Variants in GALNT1 observed in about 807,000 individuals in gnomAD.
GALNT1 encodes polypeptide N-acetylgalactosaminyltransferase 1.
Under a neutral mutation model 65.7 loss-of-function variants are expected in GALNT1, and 17 were observed. The ratio of observed to expected loss-of-function variants is 0.26; its 90% CI spans 0.18 to 0.39. GALNT1 has a LOEUF of 0.39. Among genes scored for constraint, GALNT1 ranks in the 10% least tolerant of loss-of-function variants. The pLI, the probability that GALNT1 is intolerant of heterozygous loss-of-function variation, is 1.00. For missense variants in GALNT1, 460 were observed against 672.8 expected (o/e 0.68, Z 3.50); for synonymous variants, 210 against 219.7 (o/e 0.96, Z 0.39).
At chr18:35,703,487 G>A (rs1418929587) in intron 10 of GALNT1, 22 bp from the exon 11 acceptor site, 2 of 1,607,494 alleles carry the variant, frequency 1.2e-6, no homozygotes, top group South Asian at 1.1e-5. Flanking sequence ...TTCTGTTTAT[G>A]TGTGTGCATT....
intron 1 of GALNT1, among the ~76,000 whole-genome samples, chr18:35,615,533 G>A (rs1256984763): frequency 6.6e-6 from 1 of 152,142 alleles, no homozygotes; most frequent in African/African-American, 2.4e-5. Context: ...CACAATTGTT[G>A]AAGGAAAAGG....
intron 1 of GALNT1, among the ~76,000 whole-genome samples, chr18:35,587,817 T>G (rs2046395720): frequency 6.6e-6 from 1 of 152,232 alleles, no homozygotes; most frequent in Admixed American, 6.5e-5. Flanking sequence ...CAGCACTGTT[T>G]TCTCTGTGTT....
chr18:35,623,610 C>G (rs1280706481), intron 1 of GALNT1, among the ~76,000 whole-genome samples: 1 of 151,970 alleles, frequency 6.6e-6, no homozygotes, highest in Non-Finnish European at 1.5e-5. Context: ...AAAGATTTTT[C>G]TTTCCTTTTC....
At chr18:35,616,956 A>G (rs2046790957) in intron 1 of GALNT1, among the ~76,000 whole-genome samples, 2 of 152,110 alleles carry the variant, frequency 1.3e-5, no homozygotes, top group Non-Finnish European at 2.9e-5. Flanking sequence ...CCACTGAGGA[A>G]CCCTGTAACC....
intron 1 of GALNT1, among the ~76,000 whole-genome samples, chr18:35,640,917 A>G (rs943898856): frequency 6.6e-6 from 1 of 152,334 alleles, no homozygotes; most frequent in African/African-American, 2.4e-5. Flanking sequence ...ACATTTTTAG[A>G]TATTAAAACA....
At chr18:35,680,193 A>T (rs980978003) in intron 4 of GALNT1, among the ~76,000 whole-genome samples, 1 of 152,106 alleles carries the variant, frequency 6.6e-6, no homozygotes, top group Admixed American at 6.6e-5. Flanking sequence ...CTTCAATTGT[A>T]CTGATTTTGT....
intron 9 of GALNT1, among the ~76,000 whole-genome samples, chr18:35,701,025 T>C (rs1442164254): frequency 1.3e-5 from 2 of 152,196 alleles, no homozygotes; most frequent in Non-Finnish European, 2.9e-5. Context: ...AATAATTATT[T>C]TTTGTGAATA....
At chr18:35,613,499 G>A (rs943250595) in intron 1 of GALNT1, among the ~76,000 whole-genome samples, 3 of 152,156 alleles carry the variant, frequency 2.0e-5, no homozygotes, top group African/African-American at 7.2e-5. Context: ...AATCCAGGGA[G>A]GTAAGTTAGT....
Position 35,645,216 on chromosome 18 carries a change from ATGT to A in GALNT1, c.-103-9342_-103-9340del, listed in dbSNP as rs1487347446. On this transcript the variant is annotated intron_variant, in intron 1 of 11. Transcript: ENST00000269195. ...TGTTGGGTTTTCATAGCTATTTTGA[ATGT>A]TTTTTTTTTTTTTTTTTTTTTTTTT... is the stretch of plus-strand genomic sequence containing the variant. Among the ~76,000 whole-genome samples the A allele has an allele frequency of 2.5e-3, 302 of 121,100 alleles. 4 individuals are homozygous for A. The highest frequency in any genetic ancestry group is 9.2e-3 in the African/African-American group (292 of 31,840). The allele number at this position is 121,100 out of a possible 152,430, so 79.4% of individuals were successfully genotyped here.
intron 1 of GALNT1, among the ~76,000 whole-genome samples, chr18:35,622,455 T>C (rs542225380): frequency 6.6e-6 from 1 of 152,180 alleles, no homozygotes; most frequent in East Asian, 1.9e-4. Flanking sequence ...TCTCCCTATG[T>C]TGCTCAGGCT....
chr18:35,680,551 G>A (rs914312224), intron 4 of GALNT1, among the ~76,000 whole-genome samples: 1 of 152,310 alleles, frequency 6.6e-6, no homozygotes, highest in East Asian at 1.9e-4. Flanking sequence ...AAAGAATAAT[G>A]TACACTGGTA....
chr18:35,605,821 A>G (rs2046640202), intron 1 of GALNT1, among the ~76,000 whole-genome samples: 1 of 152,162 alleles, frequency 6.6e-6, no homozygotes, highest in Admixed American at 6.5e-5. Context: ...GCTGAACTCT[A>G]GACCTAAGCT....
intron 1 of GALNT1, among the ~76,000 whole-genome samples, chr18:35,630,158 A>G (rs1162846848): frequency 6.6e-6 from 1 of 152,202 alleles, no homozygotes; most frequent in African/African-American, 2.4e-5. Context: ...ACAGAAAGTT[A>G]ACAAGGATAT....
chr18:35,606,467 G>A (rs1247191383), intron 1 of GALNT1, among the ~76,000 whole-genome samples: 1 of 152,166 alleles, frequency 6.6e-6, no homozygotes, highest in Non-Finnish European at 1.5e-5. Context: ...GTAGGTAATA[G>A]TATTAAAGTT....
chr18:35,692,354 T>G lies in GALNT1; in HGVS notation c.1299+34T>G, dbSNP rs1298665174. ...TATATATATATATATTCTATGTGGT[T>G]ATTATGTTCTTACTTTTTTATTAAA... On this transcript the variant is annotated intron_variant, in intron 9 of 11. Coordinates refer to ENST00000269195, the MANE Select transcript of GALNT1 (RefSeq NM_020474.4). 6.1e-6 allele frequency: 8 copies of G among 1,304,480 alleles called. No individual in the cohort carries two copies. The African/African-American group carries it at 1.2e-4, about 20-fold the overall frequency. The allele number at this position is 1,304,480 out of a possible 1,614,324, so 80.8% of individuals were successfully genotyped here.
At chr18:35,581,583 G>GCGGCGGCA (rs1568009675), upstream of GALNT1, among the ~76,000 whole-genome samples, 4 of 82 alleles carry the variant, frequency 0.049, no homozygotes, top group African/African-American at 0.12. Flanking sequence ...TGAGCGGGCA[G>GCGGCGGCA]GCGGCGCGCA....
intron 9 of GALNT1, among the ~76,000 whole-genome samples, chr18:35,693,430 CT>C (rs2048001296): frequency 6.6e-6 from 1 of 152,174 alleles, no homozygotes; most frequent in African/African-American, 2.4e-5. Context: ...ATAGTGAGAA[CT>C]TTGCATTTTG....
chr18:35,640,727 G>A (rs1222443771), intron 1 of GALNT1, among the ~76,000 whole-genome samples: 1 of 152,128 alleles, frequency 6.6e-6, no homozygotes, highest in Non-Finnish European at 1.5e-5. Flanking sequence ...ACAACAGTAT[G>A]GTATAGGGAG....
At chr18:35,670,598 A>C (rs975391006) in intron 3 of GALNT1, among the ~76,000 whole-genome samples, 1 of 152,242 alleles carries the variant, frequency 6.6e-6, no homozygotes, top group African/African-American at 2.4e-5. Context: ...GGTTTGATGC[A>C]GTGCCAATCA....
Sources: allele counts gnomAD v4.1 joint callset (sites outside exome capture counted in the v4.1 genomes callset), GRCh38; gene constraint gnomAD v4.1.1; transcripts MANE v1.5; gene names NCBI Gene and HGNC (gene_info 2026-07-23, HGNC 2026-07-21).